The following PLLP variants were observed in gnomAD, a reference collection of about 807,000 sequenced individuals.
PLLP encodes the protein plasma membrane proteolipid (plasmolipin).
PLLP carries 15 observed loss-of-function variants against 19.7 expected under a neutral mutation model. The observed-to-expected ratio is 0.76, with a 90% CI of 0.51 to 1.17. The LOEUF is 1.17. Ranked by LOEUF, PLLP falls within the 50% of genes most tolerant of loss-of-function variation. The pLI, the probability that PLLP is intolerant of heterozygous loss-of-function variation, is 0.00. For synonymous variants in PLLP, 111 were observed against 116.3 expected (o/e 0.95, Z 0.29); for missense variants, 255 against 258.3 (o/e 0.99, Z 0.09).
intron 1 of PLLP, among the ~76,000 whole-genome samples, chr16:57,267,525 A>G (rs2075461351): frequency 6.6e-6 from 1 of 152,000 alleles, no homozygotes. Context: ...CTGAGATTGC[A>G]CCACTGCACT....
At chr16:57,275,641 C>CAAAAAAAAAAA (rs57139241) in intron 1 of PLLP, among the ~76,000 whole-genome samples, 1 of 41,392 alleles carries the variant, frequency 2.4e-5, no homozygotes, top group Non-Finnish European at 4.3e-5. Flanking sequence ...TTTTGCAAGG[C>CAAAAAAAAAAA]AAAAAAAAAA....
At chr16:57,274,930 T>G (rs1216612857) in intron 1 of PLLP, among the ~76,000 whole-genome samples, 4 of 151,558 alleles carry the variant, frequency 2.6e-5, no homozygotes, top group African/African-American at 9.7e-5. Context: ...CCCGGCTAAT[T>G]TTTTGTATTT....
intron 2 of PLLP, among the ~76,000 whole-genome samples, chr16:57,261,646 A>G (rs1388977080): frequency 6.6e-6 from 1 of 152,168 alleles, no homozygotes; most frequent in East Asian, 1.9e-4. Context: ...ACATGAGCCC[A>G]GGGGTTCAAG....
intron 1 of PLLP, among the ~76,000 whole-genome samples, chr16:57,273,519 C>T (rs1308056840): frequency 1.3e-5 from 2 of 152,210 alleles, no homozygotes; most frequent in Non-Finnish European, 2.9e-5. Context: ...GAGAGACCAA[C>T]CCAGCCCAAC....
intron 1 of PLLP, among the ~76,000 whole-genome samples, chr16:57,283,142 T>C (rs1305415054): frequency 6.6e-6 from 1 of 152,142 alleles, no homozygotes; most frequent in African/African-American, 2.4e-5. Flanking sequence ...CTGGGAGAAC[T>C]GTTAAAAATG....
chr16:57,268,817 T>C (rs1487872362), intron 1 of PLLP, among the ~76,000 whole-genome samples: 5 of 152,152 alleles, frequency 3.3e-5, no homozygotes, highest in Non-Finnish European at 2.9e-5. Flanking sequence ...CCAGGTGTCA[T>C]GATCACCCTG....
At chr16:57,277,927 AT>A (rs1237953621) in intron 1 of PLLP, among the ~76,000 whole-genome samples, 37 of 151,686 alleles carry the variant, frequency 2.4e-4, no homozygotes, top group African/African-American at 3.2e-4. Flanking sequence ...TGTCTCTGTA[AT>A]TTTTTTTTCA....
intron 1 of PLLP, among the ~76,000 whole-genome samples, chr16:57,267,435 T>A (rs1234690298): frequency 6.6e-6 from 1 of 151,452 alleles, no homozygotes; most frequent in Non-Finnish European, 1.5e-5. Flanking sequence ...GGCATGGTGG[T>A]GGGTGTCTGT....
At chr16:57,282,542 G>T (rs1479383936) in intron 1 of PLLP, among the ~76,000 whole-genome samples, 1 of 151,944 alleles carries the variant, frequency 6.6e-6, no homozygotes, top group Non-Finnish European at 1.5e-5. Context: ...GGATGCTGAG[G>T]GATCCCTCAC....
intron 1 of PLLP, among the ~76,000 whole-genome samples, chr16:57,280,225 A>G (rs896519885): frequency 8.5e-5 from 13 of 152,192 alleles, no homozygotes; most frequent in African/African-American, 2.7e-4. Flanking sequence ...TCCAGATCGA[A>G]GTGCAAAGCC....
At chr16:57,274,367 T>C (rs763222598) in intron 1 of PLLP, among the ~76,000 whole-genome samples, 5 of 152,248 alleles carry the variant, frequency 3.3e-5, no homozygotes, top group Non-Finnish European at 5.9e-5. Context: ...GTAATATATA[T>C]GACATGATAG....
At chr16:57,277,105 T>C (rs1038498540) in intron 1 of PLLP, among the ~76,000 whole-genome samples, 2 of 152,120 alleles carry the variant, frequency 1.3e-5, no homozygotes, top group Admixed American at 6.5e-5. Context: ...GGGGAGACTA[T>C]ATAAACTGGG....
At chr16:57,257,079 CA>C (rs1286022061) in intron 3 of PLLP, 50 bp from the exon 4 acceptor site, 10 of 1,319,128 alleles carry the variant, frequency 7.6e-6, no homozygotes, top group Non-Finnish European at 1.1e-5. Context: ...GACAGTGACA[CA>C]AGCTCCAACC....
At chr16:57,267,340 G>A (rs1248043755) in intron 1 of PLLP, among the ~76,000 whole-genome samples, 1 of 151,678 alleles carries the variant, frequency 6.6e-6, no homozygotes, top group Non-Finnish European at 1.5e-5. Flanking sequence ...AGCCTGAGGT[G>A]CATGATCAGT....
rs535262525 is a variant in PLLP at position 57,277,835 on chromosome 16, A to G, written c.135+6571T>C. Among the ~76,000 whole-genome samples, 9 of 152,306 alleles carry G rather than the reference A, an allele frequency of 5.9e-5. No individual in the cohort carries two copies. In the South Asian group the frequency reaches 1.4e-3, roughly 25 times the overall value. On this transcript the variant is annotated intron_variant, in intron 1 of 3. Transcript: ENST00000219207. ...GCATGTGGTTGCCTGGGGTGAGGGC[A>G]GCTGTGGGGCGTGGTCAGTCAGGGA...
Position 57,256,915 on chromosome 16 carries a change from A to T in PLLP, c.547T>A (p.Ter183LysextTer25). The T allele has an allele frequency of 6.2e-7, 1 of 1,605,774 alleles. No individual in the cohort carries two copies. Among genetic ancestry groups the T allele is most frequent in the Non-Finnish European group, 8.5e-7 (1 of 1,173,248 alleles). ...ATSQMAGGYA[*>K] The stretch of plus-strand genomic sequence containing the variant: ...GAGGGGGCCGTGGCACAGGTGGTTT[A>T]GGCATAGCCGCCAGCCATCTGACTG... Residue 183 changes from the stop codon to lysine (K), a stop_lost, in exon 4 of 4, where the codon TAA becomes AAA. Transcript: ENST00000219207.
chr16:57,261,786 A>G, intron 2 of PLLP, 111 bp downstream of exon 2: 1 of 886,184 alleles, frequency 1.1e-6, no homozygotes, highest in Admixed American at 1.9e-5. Flanking sequence ...TCTGCAGATC[A>G]GCTTAGGTCA....
chr16:57,284,052 T>C (rs1344356590), intron 1 of PLLP, among the ~76,000 whole-genome samples: 7 of 151,528 alleles, frequency 4.6e-5, no homozygotes, highest in African/African-American at 1.7e-4. Context: ...CTGGGAAGGG[T>C]TGGCGGGTTG....
chr16:57,263,945 G>A (rs555450504), intron 1 of PLLP, among the ~76,000 whole-genome samples: 1 of 152,196 alleles, frequency 6.6e-6, no homozygotes, highest in Non-Finnish European at 1.5e-5. Context: ...CCAAGGACAA[G>A]TCAGTGGGAT....
Sources: allele counts gnomAD v4.1 joint callset (sites outside exome capture counted in the v4.1 genomes callset), GRCh38; gene constraint gnomAD v4.1.1; transcripts MANE v1.5; gene names NCBI Gene and HGNC (gene_info 2026-07-23, HGNC 2026-07-21).